The following EPHA5 variants were observed in gnomAD, a reference collection of about 807,000 sequenced individuals.
EPHA5 encodes the protein EPH receptor A5.
EPHA5 carries 60 observed loss-of-function variants against 105.0 expected under a neutral mutation model. The observed-to-expected ratio is 0.57, with a 90% CI of 0.46 to 0.71. EPHA5 has a LOEUF of 0.71. Among genes scored for constraint, EPHA5 ranks in the 30% least tolerant of loss-of-function variants. The pLI is 0.00. For synonymous variants in EPHA5, 513 were observed against 449.1 expected (o/e 1.14, Z -1.80); for missense variants, 1,218 against 1,274.7 (o/e 0.96, Z 0.68).
intron 5 of EPHA5, among the ~76,000 whole-genome samples, chr4:65,423,893 G>A (rs1724170988): frequency 6.6e-6 from 1 of 151,870 alleles, no homozygotes; most frequent in South Asian, 2.1e-4. Flanking sequence ...GACAGGACAA[G>A]GACATAAATG....
chr4:65,616,995 C>A (rs62297718), intron 2 of EPHA5, among the ~76,000 whole-genome samples: 9,330 of 152,066 alleles, frequency 0.061, 391 homozygotes, highest in Admixed American at 0.11. Flanking sequence ...AAAAGCGATA[C>A]AGTAAATTAT....
intron 11 of EPHA5, 37 bp from the exon 12 acceptor site, chr4:65,353,140 T>C: frequency 7.3e-7 from 1 of 1,373,206 alleles, no homozygotes; most frequent in Non-Finnish European, 9.7e-7. Flanking sequence ...CTGCTGCTCT[T>C]CGATTTTGCA....
At chr4:65,664,256 C>T (rs1319824954) in intron 1 of EPHA5, among the ~76,000 whole-genome samples, 1 of 151,882 alleles carries the variant, frequency 6.6e-6, no homozygotes, top group Non-Finnish European at 1.5e-5. Context: ...ACTAGATTTT[C>T]AACATCTAAT....
chr4:65,486,825 T>G (rs1020147621), intron 5 of EPHA5, among the ~76,000 whole-genome samples: 1 of 152,224 alleles, frequency 6.6e-6, no homozygotes, highest in African/African-American at 2.4e-5. Context: ...TGGGCCTGTG[T>G]CCCTTCCCAA....
intron 2 of EPHA5, among the ~76,000 whole-genome samples, chr4:65,616,277 C>G (rs1188492135): frequency 6.6e-6 from 1 of 151,664 alleles, no homozygotes; most frequent in East Asian, 1.9e-4. Context: ...AAAGTTAGAT[C>G]TGCGGATGAG....
At chr4:65,518,950 C>T (rs570887205) in intron 3 of EPHA5, among the ~76,000 whole-genome samples, 6 of 152,080 alleles carry the variant, frequency 3.9e-5, no homozygotes, top group South Asian at 2.1e-4. Flanking sequence ...AGGGAATCCT[C>T]CCTAACTCAT....
rs1379269271 is a variant in EPHA5 at position 65,465,495 on chromosome 4, G to T, written c.1402+24882C>A. ...AGAAAGAAAGAAAGAAAGAAAGAAA[G>T]AAAGAAAGAAAGAAAGAAAGAAAGA... On this transcript the variant is annotated intron_variant, in intron 5 of 16. Coordinates refer to ENST00000613740, the MANE Select transcript of EPHA5 (RefSeq NM_001281766.3). Among the ~76,000 whole-genome samples, 7 of 89,452 alleles carry T rather than the reference G, an allele frequency of 7.8e-5. 1 individual carries two copies. Among genetic ancestry groups the T allele is most frequent in the Admixed American group, 1.3e-4 (1 of 7,668 alleles). 58.7% of individuals were successfully genotyped at this position (89,452 alleles called of 152,430 possible). A position where few individuals can be genotyped will look rare whatever the true frequency, so the allele number is the denominator to read the frequency against.
chr4:65,435,570 T>C (rs1327147171), intron 5 of EPHA5, among the ~76,000 whole-genome samples: 1 of 152,086 alleles, frequency 6.6e-6, no homozygotes, highest in Non-Finnish European at 1.5e-5. Context: ...TAAGGGTTTA[T>C]AAACAAAGCA....
chr4:65,629,009 A>C (rs1208930527), intron 2 of EPHA5, among the ~76,000 whole-genome samples: 2 of 152,230 alleles, frequency 1.3e-5, no homozygotes, highest in Non-Finnish European at 2.9e-5. Flanking sequence ...TGTGTTCTAG[A>C]TAAAATGCTA....
chr4:65,530,940 T>A (rs937264982), intron 3 of EPHA5, among the ~76,000 whole-genome samples: 1 of 152,218 alleles, frequency 6.6e-6, no homozygotes, highest in South Asian at 2.1e-4. Context: ...GAAAGTATAA[T>A]AGTCGTATGT....
At chr4:65,598,811 T>C (rs371628258) in intron 3 of EPHA5, among the ~76,000 whole-genome samples, 2 of 151,902 alleles carry the variant, frequency 1.3e-5, no homozygotes, top group Non-Finnish European at 2.9e-5. Context: ...ATTGAGAAAC[T>C]GAAAAAAGTT....
At chr4:65,392,715 T>G (rs539036595) in intron 8 of EPHA5, among the ~76,000 whole-genome samples, 2 of 152,280 alleles carry the variant, frequency 1.3e-5, no homozygotes, top group South Asian at 4.1e-4. Context: ...AAGGTGTATT[T>G]ATGGGTTGAG....
chr4:65,506,299 A>T (rs1177533938), intron 3 of EPHA5, among the ~76,000 whole-genome samples: 1 of 151,354 alleles, frequency 6.6e-6, no homozygotes, highest in African/African-American at 2.4e-5. Flanking sequence ...GAATAGTGCC[A>T]CAATAAACAT....
rs370914193 is a variant in EPHA5, at chr4:65,575,982, A to AAG, written c.910+25657_910+25658dup. Among the ~76,000 whole-genome samples the AAG allele has an allele frequency of 1.8e-3, 70 of 39,668 alleles. 2 individuals carry two copies. Among genetic ancestry groups the AAG allele is most frequent in the Non-Finnish European group, 2.2e-3 (45 of 20,126 alleles). The allele number at this position is 39,668 out of a possible 152,430, so 26.0% of individuals were successfully genotyped here. Reference sequence around the variant, plus strand: ...CAGAGCGAGATTCCATCAAAAAAGAAAGAGAGAGAGAGAGAGAGAGAAAGA... The same window carrying AAG: ...CAGAGCGAGATTCCATCAAAAAAGAAAGAGAGAGAGAGAGAGAGAGAGAAAGA... On this transcript the variant is annotated intron_variant, in intron 3 of 16. Coordinates refer to ENST00000613740, the MANE Select transcript of EPHA5 (RefSeq NM_001281766.3).
At chr4:65,328,693 T>C (rs1173394012) in intron 16 of EPHA5, among the ~76,000 whole-genome samples, 1 of 151,114 alleles carries the variant, frequency 6.6e-6, no homozygotes, top group African/African-American at 2.4e-5. Flanking sequence ...ATCAATGATA[T>C]AGACATTGTA....
rs747781766 is a variant in EPHA5, at chr4:65,601,729, C to A, written c.822G>T (p.Met274Ile). The change falls in exon 3 of 17, where the codon ATG becomes ATT. Residue 274 changes from methionine (M) to isoleucine (I), a missense_variant. This residue lies in a region of EPHA5 where 971 missense variants were observed against 1,013.5 expected (regional missense o/e 0.96). Transcript: ENST00000613740. The stretch of plus-strand genomic sequence containing the variant: ...GCCACTCCCCTTCGGCGCTGCAGTG[C>A]ATTTTGGGAGGTTCATCGGTCACAG... Reference protein sequence around the residue: ...NHSVTDEPPKMHCSAEGEWLV... With the variant: ...NHSVTDEPPKIHCSAEGEWLV... 5 of 1,614,002 alleles carry A rather than the reference C, an allele frequency of 3.1e-6. No individual in the cohort carries two copies. The highest frequency in any genetic ancestry group is 4.2e-6 in the Non-Finnish European group (5 of 1,180,018).
intron 3 of EPHA5, among the ~76,000 whole-genome samples, chr4:65,564,827 C>G (rs1213397576): frequency 6.6e-6 from 1 of 151,680 alleles, no homozygotes; most frequent in Non-Finnish European, 1.5e-5. Context: ...AAGGACACAG[C>G]ATTACTTATC....
chr4:65,450,555 C>T (rs531694821), intron 5 of EPHA5, among the ~76,000 whole-genome samples: 49 of 152,228 alleles, frequency 3.2e-4, no homozygotes, highest in African/African-American at 1.1e-3. Context: ...AATTCCAAAG[C>T]ATAATGGCAA....
chr4:65,554,961 A>T (rs1445087890), intron 3 of EPHA5, among the ~76,000 whole-genome samples: 1 of 113,876 alleles, frequency 8.8e-6, no homozygotes, highest in African/African-American at 3.1e-5. Context: ...AAATGTTATC[A>T]CTTCACCCCT....
Sources: allele counts gnomAD v4.1 joint callset (sites outside exome capture counted in the v4.1 genomes callset), GRCh38; gene constraint gnomAD v4.1.1; regional missense constraint gnomAD v4.1.1; transcripts MANE v1.5; gene names NCBI Gene and HGNC (gene_info 2026-07-23, HGNC 2026-07-21).